Variants in LOC400499 observed in about 807,000 individuals in gnomAD.
At chr16:11,515,901 GCCCAGCCCAGCC>G in the LOC400499 span, 1 of 133,350 alleles carries the variant, frequency 7.5e-6, no homozygotes, top group Non-Finnish European at 1.3e-5. Context: ...GCCTAGCCCA[GCCCAGCCCAGCC>G]TAGCCCAGCA....
the LOC400499 span, among the ~76,000 whole-genome samples, chr16:11,384,527 G>A: frequency 6.6e-6 from 1 of 152,170 alleles, no homozygotes; most frequent in Admixed American, 6.5e-5. Flanking sequence ...AAAGCACAGG[G>A]GCTCAGGGAC....
At chr16:11,506,581 C>T in the LOC400499 span, among the ~76,000 whole-genome samples, 6 of 152,140 alleles carry the variant, frequency 3.9e-5, no homozygotes, top group Non-Finnish European at 5.9e-5. Flanking sequence ...CTGCTGGCTC[C>T]GTCTGTCTGT....
chr16:11,453,494 C>T, the LOC400499 span, among the ~76,000 whole-genome samples: 38 of 152,144 alleles, frequency 2.5e-4, no homozygotes, highest in African/African-American at 8.4e-4. Flanking sequence ...AACTTATACT[C>T]TAAGAGAAGA....
At chr16:11,475,988 G>C in the LOC400499 span, among the ~76,000 whole-genome samples, 1 of 152,310 alleles carries the variant, frequency 6.6e-6, no homozygotes, top group East Asian at 1.9e-4. Flanking sequence ...CCCCTAGCTG[G>C]AGTAGGGGGA....
the LOC400499 span, chr16:11,478,690 G>A: frequency 2.5e-5 from 10 of 399,154 alleles, no homozygotes; most frequent in African/African-American, 1.8e-4. Flanking sequence ...GGTCACCTGG[G>A]GGAGAGCCCA....
the LOC400499 span, chr16:11,485,156 G>C: frequency 2.5e-6 from 1 of 398,268 alleles, no homozygotes. Context: ...GATATGAATG[G>C]AGGACCCAGA....
At chr16:11,427,524 A>G in the LOC400499 span, among the ~76,000 whole-genome samples, 1 of 151,910 alleles carries the variant, frequency 6.6e-6, no homozygotes, top group Non-Finnish European at 1.5e-5. Context: ...GGCTCACTGC[A>G]ATGTCCACCT....
chr16:11,422,020 C>T, the LOC400499 span, among the ~76,000 whole-genome samples: 2 of 152,236 alleles, frequency 1.3e-5, no homozygotes, highest in Non-Finnish European at 2.9e-5. Context: ...CCCCACACAG[C>T]CCAGTGACAC....
chr16:11,382,489 C>T, the LOC400499 span, among the ~76,000 whole-genome samples: 1 of 152,202 alleles, frequency 6.6e-6, no homozygotes, highest in Non-Finnish European at 1.5e-5. Context: ...CTGATGCTGT[C>T]TCCAGGTAGC....
chr16:11,390,554 G>T, the LOC400499 span: 2 of 1,034,566 alleles, frequency 1.9e-6, no homozygotes, highest in Non-Finnish European at 2.5e-6. Flanking sequence ...AGGAGATAGG[G>T]CCTGTTCCTG....
the LOC400499 span, chr16:11,384,177 C>G: frequency 1.6e-6 from 2 of 1,221,742 alleles, no homozygotes; most frequent in Non-Finnish European, 2.0e-6. Flanking sequence ...CCCTCAAGAA[C>G]CTCAGCTGGA....
chr16:11,521,989 A>G, the LOC400499 span: 1 of 399,348 alleles, frequency 2.5e-6, no homozygotes, highest in Non-Finnish European at 4.4e-6. Flanking sequence ...CACATCAAGG[A>G]CAGCCAAGCC....
At chr16:11,419,846 C>T in the LOC400499 span, among the ~76,000 whole-genome samples, 1 of 151,652 alleles carries the variant, frequency 6.6e-6, no homozygotes. Flanking sequence ...TGAAAAAATG[C>T]TCATCATCAC....
At chr16:11,418,410 C>T in the LOC400499 span, among the ~76,000 whole-genome samples, 1 of 152,138 alleles carries the variant, frequency 6.6e-6, no homozygotes, top group Middle Eastern at 3.2e-3. Flanking sequence ...AAGAAGCTGG[C>T]TAAATCCCAC....
the LOC400499 span, among the ~76,000 whole-genome samples, chr16:11,494,341 G>C: frequency 6.9e-6 from 1 of 145,514 alleles, no homozygotes; most frequent in Non-Finnish European, 1.5e-5. Flanking sequence ...CCCCCACTCA[G>C]TGGTGTTGGG....
chr16:11,478,388 G>A, the LOC400499 span: 1 of 397,230 alleles, frequency 2.5e-6, no homozygotes, highest in Non-Finnish European at 4.4e-6. Flanking sequence ...TAAGGCCGTG[G>A]TAAGTGAATC....
the LOC400499 span, among the ~76,000 whole-genome samples, chr16:11,484,298 C>A: frequency 5.9e-5 from 9 of 152,028 alleles, no homozygotes; most frequent in African/African-American, 2.2e-4. Context: ...TGAGCCACTA[C>A]GCCCGGCCGC....
At chr16:11,490,915 C>T in the LOC400499 span, among the ~76,000 whole-genome samples, 1 of 152,122 alleles carries the variant, frequency 6.6e-6, no homozygotes, top group Non-Finnish European at 1.5e-5. Context: ...TGTCCCTTGC[C>T]TATGCTTTAA....
chr16:11,402,295 G>T, the LOC400499 span: 4 of 397,348 alleles, frequency 1.0e-5, no homozygotes, highest in African/African-American at 6.2e-5. Flanking sequence ...CACACAGCCA[G>T]ATAATTTTCA....
Sources: allele counts gnomAD v4.1 joint callset (sites outside exome capture counted in the v4.1 genomes callset), GRCh38; gene constraint gnomAD v4.1.1; transcripts MANE v1.5.